Variants in AFAP1L1 observed in about 807,000 individuals in gnomAD.
AFAP1L1 encodes the protein actin filament associated protein 1 like 1.
A neutral mutation model predicts 99.8 loss-of-function variants in AFAP1L1; 77 were observed. The observed-to-expected ratio is 0.77, with a 90% CI of 0.64 to 0.93. AFAP1L1 has a LOEUF of 0.93. AFAP1L1 is among the 40% of genes least tolerant of loss of function. The probability of loss-of-function intolerance (pLI) is 0.00; values close to 1 mark genes in which losing one functional copy is unlikely to be tolerated. For missense variants in AFAP1L1, 893 were observed against 996.8 expected (o/e 0.90, Z 1.40); for synonymous variants, 373 against 395.3 (o/e 0.94, Z 0.67).
chr5:149,272,691 C>T (rs868623388), intron 1 of AFAP1L1, among the ~76,000 whole-genome samples: 1 of 152,126 alleles, frequency 6.6e-6, no homozygotes, highest in Non-Finnish European at 1.5e-5. Flanking sequence ...GGCTAGCGCA[C>T]ATTTTTTTCT....
intron 4 of AFAP1L1, among the ~76,000 whole-genome samples, chr5:149,302,210 AG>A (rs1254180404): frequency 8.7e-6 from 1 of 114,834 alleles, no homozygotes; most frequent in Admixed American, 9.6e-5. Context: ...CAGACATTCC[AG>A]GGGAACCCTG....
intron 7 of AFAP1L1, among the ~76,000 whole-genome samples, chr5:149,308,380 C>T (rs996783141): frequency 2.6e-5 from 4 of 152,174 alleles, no homozygotes; most frequent in Non-Finnish European, 5.9e-5. Flanking sequence ...TTAGTGTACA[C>T]ATTTCCACCC....
rs562072746 is a variant in AFAP1L1, at chr5:149,331,489, G to A, written c.1976-1206G>A. Reference sequence around the variant, plus strand: ...CAAAACATTAGCCGGGTGTGGCGGCGGGTGCCTGTAGTCCCAGCTACTCAG... The same window carrying A: ...CAAAACATTAGCCGGGTGTGGCGGCAGGTGCCTGTAGTCCCAGCTACTCAG... On this transcript the variant is annotated intron_variant, in intron 16 of 18. Coordinates refer to ENST00000296721, the MANE Select transcript of AFAP1L1 (RefSeq NM_152406.4). 1.0e-3 allele frequency among the ~76,000 whole-genome samples: 155 copies of A among 151,994 alleles called. 1 individual carries two copies. Among genetic ancestry groups the A allele is most frequent in the African/African-American group, 3.0e-3 (125 of 41,480 alleles).
intron 9 of AFAP1L1, chr5:149,312,442 C>A (rs1277742302): frequency 3.5e-6 from 2 of 564,642 alleles, no homozygotes; most frequent in Non-Finnish European, 6.4e-6. Flanking sequence ...GAGTGATGCA[C>A]CCTGCCAGGA....
At chr5:149,328,480 T>G (rs1413766196) in intron 15 of AFAP1L1, among the ~76,000 whole-genome samples, 1 of 152,158 alleles carries the variant, frequency 6.6e-6, no homozygotes, top group African/African-American at 2.4e-5. Context: ...TCTGTGTGCC[T>G]CAGTTTCCTC....
chr5:149,338,632 A>G (rs1032515281), intron 18 of AFAP1L1, among the ~76,000 whole-genome samples: 10 of 152,274 alleles, frequency 6.6e-5, no homozygotes, highest in East Asian at 1.9e-4. Flanking sequence ...TTCTGGTTAC[A>G]TAACAGGGAA....
chr5:149,292,168 A>C (rs1329861719), intron 1 of AFAP1L1, among the ~76,000 whole-genome samples: 1 of 152,262 alleles, frequency 6.6e-6, no homozygotes, highest in East Asian at 1.9e-4. Context: ...CACTGGGCCT[A>C]GTTTGATAGG....
intron 4 of AFAP1L1, 85 bp from the exon 5 acceptor site, chr5:149,302,333 C>A: frequency 1.1e-6 from 1 of 920,402 alleles, no homozygotes; most frequent in Non-Finnish European, 1.6e-6. Context: ...CTCCTGCCTT[C>A]TGCGAGCTCC....
intron 1 of AFAP1L1, among the ~76,000 whole-genome samples, chr5:149,291,480 C>T (rs188266781): frequency 1.4e-3 from 174 of 124,808 alleles, no homozygotes; most frequent in African/African-American, 5.1e-3. Flanking sequence ...GAGCCGAGAT[C>T]GCACCACTGC....
At chr5:149,289,463 T>C (rs1303799403) in intron 1 of AFAP1L1, among the ~76,000 whole-genome samples, 1 of 152,138 alleles carries the variant, frequency 6.6e-6, no homozygotes, top group Non-Finnish European at 1.5e-5. Flanking sequence ...GTTTTTTTTT[T>C]TCTGCGCCTT....
At chr5:149,302,655 T>A in intron 5 of AFAP1L1, 129 bp downstream of exon 5, 1 of 822,048 alleles carries the variant, frequency 1.2e-6, no homozygotes, top group Non-Finnish European at 1.8e-6. Flanking sequence ...ACCATTGGCT[T>A]AGGAGAAGCT....
intron 1 of AFAP1L1, among the ~76,000 whole-genome samples, chr5:149,279,240 G>C (rs748185151): frequency 3.3e-5 from 5 of 152,210 alleles, no homozygotes; most frequent in Non-Finnish European, 7.3e-5. Flanking sequence ...TTAAACAGAG[G>C]CCAGTTTGGG....
intron 1 of AFAP1L1, among the ~76,000 whole-genome samples, chr5:149,291,544 AAAAAAAGAAAGAAAG>A (rs1242168962): frequency 1.4e-5 from 2 of 143,176 alleles, no homozygotes; most frequent in African/African-American, 2.6e-5. Context: ...AAAAAAAAAA[AAAAAAAGAAAGAAAG>A]AAGAGAAAAG....
intron 17 of AFAP1L1, among the ~76,000 whole-genome samples, chr5:149,333,684 G>A (rs181516725): frequency 4.2e-4 from 64 of 152,328 alleles, no homozygotes; most frequent in Admixed American, 1.8e-3. Context: ...CAGGATGTTA[G>A]GGATGTTAAG....
chr5:149,317,653 G>A (rs1756833356), intron 11 of AFAP1L1, 76 bp from the exon 12 acceptor site: 1 of 1,515,108 alleles, frequency 6.6e-7, no homozygotes, highest in Non-Finnish European at 9.0e-7. Context: ...CTTTCCAGCA[G>A]ACACATGGAG....
chr5:149,272,702 G>GTTTGT (rs528550682), intron 1 of AFAP1L1, among the ~76,000 whole-genome samples: 30 of 152,230 alleles, frequency 2.0e-4, no homozygotes, highest in Non-Finnish European at 2.8e-4. Context: ...ATTTTTTTCT[G>GTTTGT]TTTGTTTTGT....
intron 8 of AFAP1L1, among the ~76,000 whole-genome samples, chr5:149,311,688 A>G (rs1441665146): frequency 1.3e-5 from 2 of 152,208 alleles, no homozygotes; most frequent in Non-Finnish European, 2.9e-5. Context: ...AAAGGTGCAC[A>G]TGGTCACAGA....
rs1413594534 is a variant in AFAP1L1, at chr5:149,343,230, A to G, written c.*3200A>G. Among the ~76,000 whole-genome samples, 1 of 152,180 alleles carries G rather than the reference A, an allele frequency of 6.6e-6. No individual in the cohort carries two copies. The highest frequency in any genetic ancestry group is 1.5e-5 in the Non-Finnish European group (1 of 68,046). On this transcript the variant is annotated 3_prime_UTR_variant, in exon 19 of 19. Coordinates refer to ENST00000296721, the MANE Select transcript of AFAP1L1 (RefSeq NM_152406.4). ...CCAGCTCTGTCCTCATGGAACTCAG[A>G]GACAAGCAGGAAAGAAAATGTGACC...
At chr5:149,297,435 T>C (rs1409818901) in intron 1 of AFAP1L1, among the ~76,000 whole-genome samples, 1 of 151,834 alleles carries the variant, frequency 6.6e-6, no homozygotes, top group Non-Finnish European at 1.5e-5. Context: ...CTCAGCGTCA[T>C]CTTCTGAAAA....
Sources: allele counts gnomAD v4.1 joint callset (sites outside exome capture counted in the v4.1 genomes callset), GRCh38; gene constraint gnomAD v4.1.1; transcripts MANE v1.5; gene names NCBI Gene and HGNC (gene_info 2026-07-23, HGNC 2026-07-21).